SYNE3: variants seen among roughly 807,000 people sequenced by gnomAD.
SYNE3 encodes nesprin-3.
Under a neutral mutation model 111.2 loss-of-function variants are expected in SYNE3, and 100 were observed. That is an observed-to-expected ratio of 0.90 (90% CI 0.77 to 1.06). The LOEUF is 1.06. Among genes scored for constraint, SYNE3 ranks in the 50% least tolerant of loss-of-function variants. SYNE3 has a pLI of 0.00. For synonymous variants in SYNE3, 547 were observed against 533.9 expected, an observed-to-expected ratio of 1.02 and a Z score of -0.34; for missense variants, 1,160 against 1,240.3, an observed-to-expected ratio of 0.94 and a Z score of 0.97.
chr14:95,436,831 A>T lies in SYNE3; in HGVS notation c.2527T>A (p.Ser843Thr). 6.2e-7 allele frequency: 1 copy of T among 1,614,016 alleles called. No individual in the cohort carries two copies. Among genetic ancestry groups the T allele is most frequent in the Non-Finnish European group, 8.5e-7 (1 of 1,180,012 alleles). The change falls in exon 15 of 18, where the codon TCG becomes ACG. Residue 843 changes from serine (S) to threonine (T), a missense_variant. Transcript: ENST00000682763. ...STAEDLRTRK[S>T]KLQELEARVP... The stretch of plus-strand genomic sequence containing the variant: ...CCTGGGGAACAGACCTGCAGCTTCG[A>T]TTTTCTGGTCCTCAAGTCCTCAGCT...
intron 8 of SYNE3, among the ~76,000 whole-genome samples, chr14:95,447,489 G>T (rs1460182439): frequency 6.6e-6 from 1 of 152,198 alleles, no homozygotes; most frequent in East Asian, 1.9e-4. Flanking sequence ...GGGAGTTCAA[G>T]GCAGAGGTGG....
At chr14:95,426,285 C>T (rs1394068905) in intron 17 of SYNE3, among the ~76,000 whole-genome samples, 1 of 152,220 alleles carries the variant, frequency 6.6e-6, no homozygotes, top group Non-Finnish European at 1.5e-5. Flanking sequence ...CTGTCCCTGG[C>T]TCTCCCTTTT....
At chr14:95,492,842 C>A (rs550428509) in intron 1 of SYNE3, among the ~76,000 whole-genome samples, 24 of 152,198 alleles carry the variant, frequency 1.6e-4, no homozygotes, top group African/African-American at 5.5e-4. Flanking sequence ...ACAGTAAGAA[C>A]CTGGCTCTAT....
At chr14:95,486,442 G>C (rs1431979309) in intron 1 of SYNE3, among the ~76,000 whole-genome samples, 1 of 151,358 alleles carries the variant, frequency 6.6e-6, no homozygotes, top group Non-Finnish European at 1.5e-5. Context: ...AGCGCCTCAT[G>C]CCTTCTCAGG....
intron 15 of SYNE3, among the ~76,000 whole-genome samples, chr14:95,433,615 G>T (rs1885919598): frequency 6.6e-6 from 1 of 152,222 alleles, no homozygotes; most frequent in Admixed American, 6.5e-5. Context: ...ATGGCCTCCT[G>T]CATGGAACGG....
intron 1 of SYNE3, among the ~76,000 whole-genome samples, chr14:95,478,044 G>A (rs1167091068): frequency 1.3e-5 from 2 of 152,162 alleles, no homozygotes; most frequent in Non-Finnish European, 2.9e-5. Context: ...GGCAATGCCC[G>A]TGACCTGTGA....
intron 9 of SYNE3, 53 bp from the exon 10 acceptor site, chr14:95,444,681 T>G (rs1405818664): frequency 5.3e-6 from 8 of 1,512,832 alleles, no homozygotes; most frequent in Non-Finnish European, 7.1e-6. Context: ...ATGAGCACCG[T>G]GTTGTGAGAC....
At chr14:95,479,227 A>C (rs1009250798) in intron 1 of SYNE3, among the ~76,000 whole-genome samples, 2 of 39,920 alleles carry the variant, frequency 5.0e-5, no homozygotes, top group Admixed American at 1.6e-4. Context: ...TCTCTACCAA[A>C]AAAAAAAAAA....
In SYNE3 at chr14:95,409,138, G is replaced by A. The variant is rs570372426; in HGVS notation, c.*8688C>T. On this transcript the variant is annotated 3_prime_UTR_variant, in exon 18 of 18. Coordinates refer to ENST00000682763, the MANE Select transcript of SYNE3 (RefSeq NM_152592.6). ...GAAAGGAAAGCAACTGAGGCCCAGG[G>A]AACATTCCATAGAGTGGAGCACTGG... 1 of 456,674 alleles carries A rather than the reference G, an allele frequency of 2.2e-6. No individual in the cohort carries two copies. The highest frequency in any genetic ancestry group is 2.3e-5 in the Admixed American group (1 of 42,582). The allele number at this position is 456,674 out of a possible 1,614,324, so 28.3% of individuals were successfully genotyped here.
intron 4 of SYNE3, among the ~76,000 whole-genome samples, chr14:95,457,910 T>C (rs1887567285): frequency 1.3e-5 from 2 of 152,200 alleles, no homozygotes. Flanking sequence ...CCAGCATTTC[T>C]AGCTCCATTA....
chr14:95,480,106 T>G (rs1889138140), intron 1 of SYNE3, among the ~76,000 whole-genome samples: 1 of 152,188 alleles, frequency 6.6e-6, no homozygotes, highest in Non-Finnish European at 1.5e-5. Context: ...CAAACAGTAT[T>G]GCAAAAGAAA....
At chr14:95,432,274 T>C (rs1595182885) in intron 16 of SYNE3, among the ~76,000 whole-genome samples, 157 bp from the exon 17 acceptor site, 1 of 152,224 alleles carries the variant, frequency 6.6e-6, no homozygotes, top group Admixed American at 6.5e-5. Flanking sequence ...CAGCAGATGA[T>C]TCGATTTAAT....
At chr14:95,454,990 G>C (rs1011571826) in intron 6 of SYNE3, among the ~76,000 whole-genome samples, 4 of 152,102 alleles carry the variant, frequency 2.6e-5, no homozygotes, top group African/African-American at 9.7e-5. Context: ...TCCACATTAA[G>C]AGTTTCCCCT....
intron 15 of SYNE3, among the ~76,000 whole-genome samples, chr14:95,434,068 T>C (rs903643913): frequency 1.3e-4 from 20 of 151,792 alleles, no homozygotes; most frequent in Non-Finnish European, 2.5e-4. Flanking sequence ...TGGCTGGAGT[T>C]GGGTGGTGGT....
rs10148531 is a variant in SYNE3, at chr14:95,420,228, G to A, written c.2728-2202C>T. Among the ~76,000 whole-genome samples, 1,147 of 152,160 alleles carry A rather than the reference G, an allele frequency of 7.5e-3. 11 individuals are homozygous for A. Among genetic ancestry groups the A allele is most frequent in the African/African-American group, 0.027 (1,102 of 41,502 alleles). On this transcript the variant is annotated intron_variant, in intron 17 of 17. Transcript: ENST00000682763. ...GGGGTGGGTGACACATTGTTTAAGC[G>A]GCTGAATGAGTGTGAGTTCACAGAG... is the stretch of plus-strand genomic sequence containing the variant.
rs1386440079 is a variant in SYNE3, at chr14:95,415,125, A to G, written c.*2701T>C. 1 of 152,064 alleles carries G rather than the reference A, an allele frequency of 6.6e-6. No homozygotes were observed. Among genetic ancestry groups the G allele is most frequent in the Non-Finnish European group, 1.5e-5 (1 of 68,034 alleles). 9.4% of individuals were successfully genotyped at this position (152,064 alleles called of 1,614,324 possible). On this transcript the variant is annotated 3_prime_UTR_variant, in exon 18 of 18. Transcript: ENST00000682763. ...GTAGTTGCTGACATGAGCGGATCAT[A>G]CCACAATGAGCAGGGTACCACCTGA...
At position 95,449,408 on chromosome 14, in the gene SYNE3, C is replaced by T. The variant is rs113063741; in HGVS notation, c.1449+523G>A. Reference sequence around the variant, plus strand: ...AGGTGGAGAGAGCCCTGTGCATCCGCGGCTCCATCCGGAGCCAGTTGTTGT... The same window carrying T: ...AGGTGGAGAGAGCCCTGTGCATCCGTGGCTCCATCCGGAGCCAGTTGTTGT... On this transcript the variant is annotated intron_variant, in intron 8 of 17. Coordinates refer to ENST00000682763, the MANE Select transcript of SYNE3 (RefSeq NM_152592.6). 262 of 983,150 alleles carry T rather than the reference C, an allele frequency of 2.7e-4. 3 individuals are homozygous for T. The African/African-American group carries it at 4.0e-3, about 15-fold the overall frequency. The allele number at this position is 983,150 out of a possible 1,614,324, so 60.9% of individuals were successfully genotyped here.
intron 17 of SYNE3, among the ~76,000 whole-genome samples, chr14:95,429,353 G>A (rs562492570): frequency 1.1e-4 from 16 of 152,280 alleles, no homozygotes; most frequent in African/African-American, 3.6e-4. Flanking sequence ...GGTCACACAC[G>A]CTAATGGTGG....
rs1002534520 is a variant in SYNE3, at chr14:95,409,958, C to T, written c.*7868G>A. 1.3e-5 allele frequency: 2 copies of T among 156,880 alleles called. No homozygotes were observed. Among genetic ancestry groups the T allele is most frequent in the Non-Finnish European group, 2.8e-5 (2 of 70,804 alleles). The allele number at this position is 156,880 out of a possible 1,614,324, so 9.7% of individuals were successfully genotyped here. A position where few individuals can be genotyped will look rare whatever the true frequency, so the allele number is the denominator to read the frequency against. On this transcript the variant is annotated 3_prime_UTR_variant, in exon 18 of 18. Transcript: ENST00000682763. Reference sequence around the variant, plus strand: ...CCAAGATTTGCACCCAGGAGCTCCTCAAGCTCAAGAAGAAATGAAAGCAAA... The same window carrying T: ...CCAAGATTTGCACCCAGGAGCTCCTTAAGCTCAAGAAGAAATGAAAGCAAA...
Sources: allele counts gnomAD v4.1 joint callset (sites outside exome capture counted in the v4.1 genomes callset), GRCh38; gene constraint gnomAD v4.1.1; transcripts MANE v1.5; gene names NCBI Gene and HGNC (gene_info 2026-07-23, HGNC 2026-07-21).